The following PTPRN2 variants were observed in gnomAD, a reference collection of about 807,000 sequenced individuals.
PTPRN2 encodes the protein receptor-type tyrosine-protein phosphatase N2.
PTPRN2 carries 74 observed loss-of-function variants against 118.8 expected under a neutral mutation model. The observed-to-expected ratio is 0.62, with a 90% CI of 0.52 to 0.76. PTPRN2 has a LOEUF of 0.76. Among genes scored for constraint, PTPRN2 ranks in the 30% least tolerant of loss-of-function variants. The pLI, the probability that PTPRN2 is intolerant of heterozygous loss-of-function variation, is 0.00. For missense variants in PTPRN2, 1,481 were observed against 1,394.4 expected (o/e 1.06, Z -0.99); for synonymous variants, 641 against 608.0 (o/e 1.05, Z -0.80).
intron 2 of PTPRN2, among the ~76,000 whole-genome samples, chr7:158,357,399 A>C (rs1041635096): frequency 6.6e-6 from 1 of 152,236 alleles, no homozygotes; most frequent in African/African-American, 2.4e-5. Context: ...TGGAGGTGAC[A>C]GGAGGTGCCT....
intron 3 of PTPRN2, among the ~76,000 whole-genome samples, chr7:158,272,386 G>C (rs1009255170): frequency 6.6e-6 from 1 of 152,314 alleles, no homozygotes; most frequent in East Asian, 1.9e-4. Context: ...GGGTCCCAAC[G>C]TCACTGTCTA....
chr7:157,861,799 C>T lies in PTPRN2; in HGVS notation c.1788+36874G>A, dbSNP rs1274439739. 6.6e-6 allele frequency among the ~76,000 whole-genome samples: 1 copy of T among 152,256 alleles called. No individual in the cohort carries two copies. On this transcript the variant is annotated intron_variant, in intron 12 of 22. Coordinates refer to ENST00000389418, the MANE Select transcript of PTPRN2 (RefSeq NM_002847.5). This position sits in a 1 kb window ranked among gnomAD's most constrained non-coding sequence, Gnocchi z 5.8. ...TGCCTCCGAGCCACGCAGACGGCTT[C>T]CCTCTGCATGCCGGAGTCTGTCCTC...
intron 15 of PTPRN2, among the ~76,000 whole-genome samples, chr7:157,613,781 C>T (rs1254221393): frequency 6.6e-6 from 1 of 152,206 alleles, no homozygotes; most frequent in East Asian, 1.9e-4. Flanking sequence ...TGCCGTTTGT[C>T]GCGTAGTCCT....
In PTPRN2 at chr7:158,187,074, G is replaced by A. The variant is rs536366766; in HGVS notation, c.549+5253C>T. ...TACCACAGTCAATAAAACAGGAAGC[G>A]TTACCACCCTCACAATGCAGAAGTC... On this transcript the variant is annotated intron_variant, in intron 5 of 22. Transcript: ENST00000389418. 4.6e-5 allele frequency among the ~76,000 whole-genome samples: 7 copies of A among 152,276 alleles called. No homozygotes were observed. In the South Asian group the frequency reaches 1.0e-3, roughly 23 times the overall value.
intron 21 of PTPRN2, among the ~76,000 whole-genome samples, chr7:157,563,117 C>T (rs1230681113): frequency 4.3e-4 from 55 of 127,162 alleles, no homozygotes; most frequent in African/African-American, 1.6e-3. Context: ...ATCAGGACCA[C>T]GTGCTCCCAC....
intron 10 of PTPRN2, among the ~76,000 whole-genome samples, chr7:158,089,312 G>A (rs61111756): frequency 6.2e-4 from 12 of 19,308 alleles, no homozygotes; most frequent in Non-Finnish European, 8.1e-4. Flanking sequence ...CCCTGATGAA[G>A]GAAGGAGTCT....
intron 13 of PTPRN2, among the ~76,000 whole-genome samples, chr7:157,667,912 G>A (rs2150772281): frequency 6.6e-6 from 1 of 152,364 alleles, no homozygotes; most frequent in East Asian, 1.9e-4. Context: ...CAGTGGCACT[G>A]CAAGCGCCCA....
intron 12 of PTPRN2, among the ~76,000 whole-genome samples, chr7:157,773,052 G>A (rs1802982479): frequency 6.6e-6 from 1 of 152,190 alleles, no homozygotes; most frequent in Non-Finnish European, 1.5e-5. Context: ...ATCCAGGCCT[G>A]GGTGAGAAGG....
chr7:158,242,083 C>A (rs543676974), intron 3 of PTPRN2, among the ~76,000 whole-genome samples: 2 of 152,324 alleles, frequency 1.3e-5, no homozygotes, highest in South Asian at 4.1e-4. Context: ...GGCAGGTTCA[C>A]CCACCCGGTA....
intron 14 of PTPRN2, among the ~76,000 whole-genome samples, chr7:157,647,274 A>T (rs565574704): frequency 7.9e-5 from 3 of 38,124 alleles, no homozygotes; most frequent in South Asian, 1.1e-3. Context: ...TCGGTGGGTC[A>T]GACCCATGCA....
rs1003909962 is a variant in PTPRN2 at position 157,813,120 on chromosome 7, G to A, written c.1788+85553C>T. Among the ~76,000 whole-genome samples, 4 of 152,104 alleles carry A rather than the reference G, an allele frequency of 2.6e-5. No homozygotes were observed. Among genetic ancestry groups the A allele is most frequent in the Admixed American group, 2.0e-4 (3 of 15,272 alleles). On this transcript the variant is annotated intron_variant, in intron 12 of 22. Coordinates refer to ENST00000389418, the MANE Select transcript of PTPRN2 (RefSeq NM_002847.5). This position sits in a 1 kb window ranked among gnomAD's most constrained non-coding sequence, Gnocchi z 4.7. ...GACCTGTGCCGTGCTAAAACCACACGCATGGCAGCCTCCCCCAAGCCAACC... is the reference window on the plus strand; with the variant it reads ...GACCTGTGCCGTGCTAAAACCACACACATGGCAGCCTCCCCCAAGCCAACC...
intron 14 of PTPRN2, among the ~76,000 whole-genome samples, chr7:157,645,356 G>A (rs1563296164): frequency 5.9e-5 from 9 of 152,302 alleles, no homozygotes; most frequent in Admixed American, 3.3e-4. Context: ...TCAAAGGTTC[G>A]CTGATACCTG....
intron 12 of PTPRN2, among the ~76,000 whole-genome samples, chr7:157,811,950 C>A (rs867331864): frequency 6.6e-6 from 1 of 152,122 alleles, no homozygotes; most frequent in Non-Finnish European, 1.5e-5. Context: ...GCGATGGGGT[C>A]GCTGTCTAAG....
chr7:157,793,629 G>A (rs557834094), intron 12 of PTPRN2, among the ~76,000 whole-genome samples: 4 of 152,310 alleles, frequency 2.6e-5, no homozygotes, highest in South Asian at 2.1e-4. Flanking sequence ...GAGCAATGGT[G>A]AGTTCTGCCA....
intron 2 of PTPRN2, among the ~76,000 whole-genome samples, chr7:158,489,345 G>T (rs574262007): frequency 2.6e-5 from 4 of 152,364 alleles, no homozygotes; most frequent in African/African-American, 7.2e-5. Context: ...TACTCAGGAG[G>T]CTGAGGCAGG....
At position 158,525,190 on chromosome 7, in the gene PTPRN2, G is replaced by A. The variant is rs780379116; in HGVS notation, c.113-35405C>T. ...TCTGGAGCCGGCTGCAGAGCACAGC[G>A]TGAGGCAGGCCCTGACCGCTCTGGA... On this transcript the variant is annotated intron_variant, in intron 1 of 22. Coordinates refer to ENST00000389418, the MANE Select transcript of PTPRN2 (RefSeq NM_002847.5). The surrounding 1 kb of genome is among the most constrained non-coding windows in gnomAD (Gnocchi z 4.1). Among the ~76,000 whole-genome samples, 5 of 152,310 alleles carry A rather than the reference G, an allele frequency of 3.3e-5. No homozygotes were observed. Among genetic ancestry groups the A allele is most frequent in the African/African-American group, 7.2e-5 (3 of 41,566 alleles).
At chr7:157,876,639 G>A (rs546583448) in intron 12 of PTPRN2, among the ~76,000 whole-genome samples, 2 of 152,326 alleles carry the variant, frequency 1.3e-5, no homozygotes, top group South Asian at 4.1e-4. Context: ...GTGGCCTTGG[G>A]AAGACCAGCG....
chr7:158,033,223 C>A (rs577526015), intron 11 of PTPRN2, among the ~76,000 whole-genome samples: 1 of 118,486 alleles, frequency 8.4e-6, no homozygotes, highest in Non-Finnish European at 1.8e-5. Flanking sequence ...CCTGATGGAG[C>A]CATCAGGGCC....
chr7:158,393,116 T>C (rs1812068050), intron 2 of PTPRN2, among the ~76,000 whole-genome samples: 1 of 152,090 alleles, frequency 6.6e-6, no homozygotes, highest in African/African-American at 2.4e-5. Context: ...TCTTACTCGA[T>C]GTTGGCTGGA....
Sources: allele counts gnomAD v4.1 joint callset (sites outside exome capture counted in the v4.1 genomes callset), GRCh38; gene constraint gnomAD v4.1.1; non-coding constraint Gnocchi (gnomAD v3.1); transcripts MANE v1.5; gene names NCBI Gene and HGNC (gene_info 2026-07-23, HGNC 2026-07-21).